The following WDFY4 variants were observed in gnomAD, a reference collection of about 807,000 sequenced individuals.
WDFY4 encodes WDFY family member 4.
WDFY4 carries 169 observed loss-of-function variants against 351.9 expected under a neutral mutation model. That is an observed-to-expected ratio of 0.48 (90% CI 0.42 to 0.55). The LOEUF (loss-of-function observed/expected upper bound fraction) is 0.55, where lower values mean the gene tolerates loss of function less well. Ranked by LOEUF, WDFY4 falls within the 20% of genes least tolerant of loss-of-function variation. The pLI is 0.00. For synonymous variants in WDFY4, 1,622 were observed against 1,574.6 expected (o/e 1.03, Z -0.71); for missense variants, 3,803 against 3,935.6 (o/e 0.97, Z 0.90).
chr10:48,740,734 C>T (rs2064825519), intron 11 of WDFY4, among the ~76,000 whole-genome samples: 1 of 152,208 alleles, frequency 6.6e-6, no homozygotes, highest in Non-Finnish European at 1.5e-5. Context: ...AAGTCAATTT[C>T]CCTGAAGTCT....
At chr10:48,688,790 A>T (rs749409966) in intron 1 of WDFY4, among the ~76,000 whole-genome samples, 7 of 152,222 alleles carry the variant, frequency 4.6e-5, no homozygotes, top group Non-Finnish European at 8.8e-5. Context: ...CAGAGTGGTC[A>T]GATTCTAGAT....
At position 48,826,673 on chromosome 10, in the gene WDFY4, C is replaced by A; in HGVS notation, c.5985C>A (p.Val1995=). The change falls in exon 36 of 62, where the codon GTC becomes GTA. Residue 1995 remains valine (V), a splice_region_variant and synonymous_variant. Transcript: ENST00000325239. ...LLFILEHIMV[V]IETASSQRDT... is the part of the protein sequence containing the mutation. ...TGTATGTTTTTTTAATGACACAGGT[C>A]ATTGAGACTGCCTCTTCTCAAAGGG... 1.3e-6 allele frequency: 2 copies of A among 1,549,924 alleles called. No homozygotes were observed. Among genetic ancestry groups the A allele is most frequent in the South Asian group, 1.2e-5 (1 of 84,028 alleles).
intron 39 of WDFY4, among the ~76,000 whole-genome samples, chr10:48,858,398 G>A (rs540831326): frequency 8.5e-5 from 13 of 152,244 alleles, no homozygotes; most frequent in African/African-American, 3.1e-4. Flanking sequence ...TTTGTATAAG[G>A]TACGAGACTT....
Position 48,821,123 on chromosome 10 carries a change from C to G in WDFY4, c.5771C>G (p.Ser1924Cys). ...GACTTCCAGTCCGAGGTCCTGCTTT[C>G]TGCTATGGAACTATTCCACATGACA... ...KRDFQSEVLL[S>C]AMELFHMTSG... Residue 1924 changes from serine (S) to cysteine (C), a missense_variant, in exon 34 of 62, where the codon TCT becomes TGT. Physicochemically the swap from Ser to Cys is moderately radical, Grantham distance 112. Around this residue, in one of 3 missense-constraint regions of WDFY4, gnomAD observed 3,054 missense variants for 3,148.6 expected, o/e 0.97. Coordinates refer to ENST00000325239, the MANE Select transcript of WDFY4 (RefSeq NM_001394531.1). 1.3e-6 allele frequency: 2 copies of G among 1,551,726 alleles called. No homozygotes were observed. Among genetic ancestry groups the G allele is most frequent in the Non-Finnish European group, 1.7e-6 (2 of 1,146,988 alleles).
intron 51 of WDFY4, among the ~76,000 whole-genome samples, chr10:48,956,908 C>T (rs1841617041): frequency 6.6e-6 from 1 of 152,220 alleles, no homozygotes; most frequent in Non-Finnish European, 1.5e-5. Context: ...ATCATGCATT[C>T]TGCCTTGAAG....
rs745732530 is a variant in WDFY4 at position 48,789,864 on chromosome 10, A to C, written c.3955-10A>C. On this transcript the variant is annotated splice_polypyrimidine_tract_variant and intron_variant, in intron 21 of 61. Coordinates refer to ENST00000325239, the MANE Select transcript of WDFY4 (RefSeq NM_001394531.1). ...ACTTTCTTAGGACTAATTGCTGCTCATTTCTCTAGATGAACATTTCATCCC... is the reference window on the plus strand; with the variant it reads ...ACTTTCTTAGGACTAATTGCTGCTCCTTTCTCTAGATGAACATTTCATCCC... 1.9e-6 allele frequency: 3 copies of C among 1,552,184 alleles called. No homozygotes were observed. The South Asian group carries it at 3.6e-5, about 18-fold the overall frequency.
chr10:48,710,698 T>C (rs1314926101), intron 2 of WDFY4, among the ~76,000 whole-genome samples: 1 of 152,220 alleles, frequency 6.6e-6, no homozygotes, highest in Non-Finnish European at 1.5e-5. Context: ...AAAGCCAGAA[T>C]ATCTTGCATC....
intron 43 of WDFY4, among the ~76,000 whole-genome samples, chr10:48,882,955 G>A (rs770607148): frequency 3.9e-5 from 6 of 152,128 alleles, no homozygotes; most frequent in Non-Finnish European, 8.8e-5. Flanking sequence ...GAATTGCTAG[G>A]ATTTGACCTC....
chr10:48,815,907 A>G (rs2067604782), intron 31 of WDFY4, among the ~76,000 whole-genome samples: 1 of 151,982 alleles, frequency 6.6e-6, no homozygotes. Context: ...GTTGAAAAAT[A>G]TTTTTCAGGT....
intron 4 of WDFY4, 71 bp from the exon 5 acceptor site, chr10:48,723,362 T>C: frequency 1.3e-6 from 2 of 1,512,988 alleles, no homozygotes; most frequent in Non-Finnish European, 1.8e-6. Context: ...TGCAGGGGCC[T>C]GATCCTGGGT....
chr10:48,779,876 C>A, intron 18 of WDFY4, 65 bp from the exon 19 acceptor site: 1 of 1,531,844 alleles, frequency 6.5e-7, no homozygotes, highest in African/African-American at 1.4e-5. Flanking sequence ...TATGCCCTCC[C>A]CATTCTCCTG....
At chr10:48,898,414 A>G (rs905074190) in intron 45 of WDFY4, among the ~76,000 whole-genome samples, 17 of 152,142 alleles carry the variant, frequency 1.1e-4, no homozygotes, top group African/African-American at 4.1e-4. Context: ...ACCACGTAAC[A>G]GGAGGGTCAG....
intron 12 of WDFY4, among the ~76,000 whole-genome samples, chr10:48,757,179 C>T (rs920462063): frequency 3.9e-5 from 6 of 151,944 alleles, no homozygotes; most frequent in South Asian, 2.1e-4. Flanking sequence ...CGAAGAAAAC[C>T]GTTTGAAGGT....
At chr10:48,930,808 C>T (rs1839949789) in intron 47 of WDFY4, among the ~76,000 whole-genome samples, 2 of 151,562 alleles carry the variant, frequency 1.3e-5, no homozygotes, top group African/African-American at 4.8e-5. Context: ...AATTATTTCC[C>T]AAAAATGTCA....
intron 43 of WDFY4, among the ~76,000 whole-genome samples, chr10:48,890,019 G>A (rs913121706): frequency 1.3e-5 from 2 of 152,218 alleles, no homozygotes; most frequent in Admixed American, 6.5e-5. Flanking sequence ...AGCAACAGGG[G>A]AAATGCTCAC....
chr10:48,957,432 C>G, intron 52 of WDFY4, 150 bp downstream of exon 52: 1 of 1,066,520 alleles, frequency 9.4e-7, no homozygotes. Context: ...CAGCAGTGCC[C>G]AGAAGGAAAG....
intron 39 of WDFY4, among the ~76,000 whole-genome samples, chr10:48,848,436 G>T (rs1017475008): frequency 6.6e-6 from 1 of 152,240 alleles, no homozygotes; most frequent in Non-Finnish European, 1.5e-5. Context: ...GTAAAAGACT[G>T]CATTGCAGAT....
intron 40 of WDFY4, among the ~76,000 whole-genome samples, chr10:48,873,103 A>T (rs1156320174): frequency 6.6e-6 from 1 of 152,224 alleles, no homozygotes; most frequent in Non-Finnish European, 1.5e-5. Flanking sequence ...AAAAAAGTAC[A>T]TTCAGCTTCA....
At chr10:48,738,351 G>T (rs1030242832) in intron 11 of WDFY4, among the ~76,000 whole-genome samples, 1 of 152,226 alleles carries the variant, frequency 6.6e-6, no homozygotes, top group Admixed American at 6.5e-5. Flanking sequence ...ATGTAAAGTC[G>T]TTATGGTGTT....
Sources: allele counts gnomAD v4.1 joint callset (sites outside exome capture counted in the v4.1 genomes callset), GRCh38; gene constraint gnomAD v4.1.1; regional missense constraint gnomAD v4.1.1; transcripts MANE v1.5; gene names NCBI Gene and HGNC (gene_info 2026-07-23, HGNC 2026-07-21).